The following CACNA2D1 variants were observed in gnomAD, a reference collection of about 807,000 sequenced individuals.
The protein encoded by CACNA2D1 is calcium voltage-gated channel auxiliary subunit alpha2delta 1.
Under a neutral mutation model 171.5 loss-of-function variants are expected in CACNA2D1, and 53 were observed. That is an observed-to-expected ratio of 0.31 (90% CI 0.25 to 0.39). The LOEUF (loss-of-function observed/expected upper bound fraction) is 0.39. Among genes scored for constraint, CACNA2D1 ranks in the 10% least tolerant of loss-of-function variants. CACNA2D1 has a pLI of 1.00. For missense variants in CACNA2D1, 903 were observed against 1,299.8 expected (o/e 0.69, Z 4.69); for synonymous variants, 442 against 443.1 (o/e 1.00, Z 0.03).
At chr7:82,322,298 A>C (rs1031010351) in intron 3 of CACNA2D1, among the ~76,000 whole-genome samples, 4 of 151,822 alleles carry the variant, frequency 2.6e-5, no homozygotes, top group African/African-American at 9.7e-5. Flanking sequence ...CTGAAATTCC[A>C]AAATTCCCAA....
intron 3 of CACNA2D1, among the ~76,000 whole-genome samples, chr7:82,245,635 C>CA (rs1804813048): frequency 6.6e-6 from 1 of 151,342 alleles, no homozygotes; most frequent in Non-Finnish European, 1.5e-5. Context: ...CAGACACACA[C>CA]AAAATGTCTC....
chr7:82,051,135 C>A (rs1035304185), intron 10 of CACNA2D1: 9 of 156,534 alleles, frequency 5.7e-5, no homozygotes, highest in African/African-American at 2.2e-4. Flanking sequence ...AAGACTTTTA[C>A]AATCTTTAGA....
intron 4 of CACNA2D1, among the ~76,000 whole-genome samples, chr7:82,139,773 G>A (rs1168702366): frequency 6.7e-6 from 1 of 149,262 alleles, no homozygotes; most frequent in Non-Finnish European, 1.5e-5. Context: ...CTAAGTATTT[G>A]ACATTTCCTT....
intron 7 of CACNA2D1, among the ~76,000 whole-genome samples, chr7:82,073,986 A>G (rs993380117): frequency 2.0e-5 from 3 of 152,246 alleles, no homozygotes; most frequent in African/African-American, 7.2e-5. Flanking sequence ...GAACACAAAA[A>G]GGCAGATTTG....
intron 1 of CACNA2D1, among the ~76,000 whole-genome samples, chr7:82,424,438 G>A (rs1055826949): frequency 4.6e-5 from 7 of 152,044 alleles, no homozygotes; most frequent in African/African-American, 1.7e-4. Context: ...CTTTATAACT[G>A]GGGCGTTAGA....
chr7:82,039,753 G>A lies in CACNA2D1; in HGVS notation c.880-1518C>T, dbSNP rs189986530. Among the ~76,000 whole-genome samples the A allele has an allele frequency of 3.3e-5, 5 of 152,244 alleles. No individual in the cohort carries two copies. The East Asian group carries it at 9.7e-4, about 29-fold the overall frequency. On this transcript the variant is annotated intron_variant, in intron 10 of 38. Transcript: ENST00000356860. The stretch of plus-strand genomic sequence containing the variant: ...TGTTCCAGTGAAGAGCACAAAGGAA[G>A]AACATTCCAAGCAAACAGAACAACA...
chr7:82,162,517 A>G (rs1301335594), intron 4 of CACNA2D1, among the ~76,000 whole-genome samples: 2 of 152,030 alleles, frequency 1.3e-5, no homozygotes, highest in Non-Finnish European at 2.9e-5. Context: ...CATTCCTTTC[A>G]ATTCCTATAG....
intron 2 of CACNA2D1, among the ~76,000 whole-genome samples, chr7:82,336,810 T>C (rs1818057128): frequency 6.6e-6 from 1 of 152,192 alleles, no homozygotes; most frequent in South Asian, 2.1e-4. Context: ...TGTAGTTCTT[T>C]GCAGTAAAAC....
chr7:81,990,926 T>C (rs546222387), intron 21 of CACNA2D1, among the ~76,000 whole-genome samples: 10 of 152,318 alleles, frequency 6.6e-5, no homozygotes, highest in African/African-American at 2.4e-4. Context: ...GAACCCTACA[T>C]ATTATTATGG....
At chr7:82,342,921 G>C (rs1818840209) in intron 2 of CACNA2D1, 1 of 152,142 alleles carries the variant, frequency 6.6e-6, no homozygotes, top group African/African-American at 2.4e-5. Context: ...TTTTAGACTA[G>C]TAAACTACCT....
At chr7:82,411,613 T>TA (rs1827670771) in intron 1 of CACNA2D1, among the ~76,000 whole-genome samples, 1 of 151,914 alleles carries the variant, frequency 6.6e-6, no homozygotes, top group Non-Finnish European at 1.5e-5. Flanking sequence ...TCCAAGAATC[T>TA]AAAACCTCAA....
intron 1 of CACNA2D1, among the ~76,000 whole-genome samples, chr7:82,439,348 A>G (rs1407656855): frequency 2.0e-5 from 3 of 152,002 alleles, no homozygotes; most frequent in African/African-American, 4.8e-5. Flanking sequence ...TAGAAAGAAG[A>G]GTATTTTATT....
chr7:82,420,966 A>C (rs1419936256), intron 1 of CACNA2D1, among the ~76,000 whole-genome samples: 1 of 152,120 alleles, frequency 6.6e-6, no homozygotes, highest in Non-Finnish European at 1.5e-5. Flanking sequence ...TCTTATCCTA[A>C]TGTTCCATCC....
At chr7:82,435,019 C>G (rs999985706) in intron 1 of CACNA2D1, among the ~76,000 whole-genome samples, 1 of 147,550 alleles carries the variant, frequency 6.8e-6, no homozygotes, top group African/African-American at 2.5e-5. Context: ...TCTCCAAACT[C>G]TCTTCAGATA....
intron 4 of CACNA2D1, among the ~76,000 whole-genome samples, chr7:82,161,390 T>G (rs1041374583): frequency 1.3e-5 from 2 of 152,040 alleles, no homozygotes; most frequent in Non-Finnish European, 2.9e-5. Flanking sequence ...TACCAAAGAA[T>G]AGTGGAGTGG....
chr7:82,005,738 G>A lies in CACNA2D1; in HGVS notation c.1515+27C>T, dbSNP rs763551972. 5.7e-5 allele frequency: 81 copies of A among 1,431,336 alleles called. No individual in the cohort carries two copies. In the Admixed American group the frequency reaches 1.4e-3, roughly 24 times the overall value. 88.7% of individuals were successfully genotyped at this position (1,431,336 alleles called of 1,614,324 possible). On this transcript the variant is annotated intron_variant, in intron 17 of 38. Coordinates refer to ENST00000356860, the MANE Select transcript of CACNA2D1 (RefSeq NM_000722.4). ...AGTACAGAGTTCTAAACTAGAAAGGGTATCAAAAGAGCAAATTTCATCTTA... is the reference window on the plus strand; with the variant it reads ...AGTACAGAGTTCTAAACTAGAAAGGATATCAAAAGAGCAAATTTCATCTTA...
At chr7:82,414,484 T>C (rs1216918775) in intron 1 of CACNA2D1, among the ~76,000 whole-genome samples, 2 of 152,144 alleles carry the variant, frequency 1.3e-5, no homozygotes, top group Non-Finnish European at 2.9e-5. Context: ...AAATAAATAG[T>C]GGGAAGACCT....
chr7:82,186,557 A>G (rs571967296), intron 3 of CACNA2D1, among the ~76,000 whole-genome samples: 1 of 152,136 alleles, frequency 6.6e-6, no homozygotes, highest in Non-Finnish European at 1.5e-5. Flanking sequence ...AGGCTCAGAA[A>G]CACCCCAGAC....
At chr7:82,312,378 T>C (rs371159465) in intron 3 of CACNA2D1, among the ~76,000 whole-genome samples, 27 of 152,336 alleles carry the variant, frequency 1.8e-4, no homozygotes, top group African/African-American at 6.5e-4. Context: ...GAAATTAAAA[T>C]TGTGCTTTTG....
Sources: allele counts gnomAD v4.1 joint callset (sites outside exome capture counted in the v4.1 genomes callset), GRCh38; gene constraint gnomAD v4.1.1; transcripts MANE v1.5; gene names NCBI Gene and HGNC (gene_info 2026-07-23, HGNC 2026-07-21).